The following FRMD4A variants were observed in gnomAD, a reference collection of about 807,000 sequenced individuals.
FRMD4A encodes the protein FERM domain-containing protein 4A.
In FRMD4A, 29 loss-of-function variants were observed where a neutral mutation model predicts 129.1. The ratio of observed to expected loss-of-function variants is 0.22; its 90% CI spans 0.17 to 0.31. The LOEUF (loss-of-function observed/expected upper bound fraction) is 0.31. Ranked by LOEUF, FRMD4A falls within the 10% of genes least tolerant of loss-of-function variation. The pLI is 1.00. For missense variants in FRMD4A, 1,272 were observed against 1,375.8 expected, an observed-to-expected ratio of 0.92 and a Z score of 1.19; for synonymous variants, 634 against 571.6, an observed-to-expected ratio of 1.11 and a Z score of -1.56.
At chr10:13,813,978 A>G (rs1468199014) in intron 3 of FRMD4A, among the ~76,000 whole-genome samples, 1 of 152,160 alleles carries the variant, frequency 6.6e-6, no homozygotes, top group Non-Finnish European at 1.5e-5. Context: ...GATGCTTGCT[A>G]TTTCTTGAAA....
At chr10:13,964,674 G>GT (rs35812447) in intron 2 of FRMD4A, among the ~76,000 whole-genome samples, 7,377 of 128,216 alleles carry the variant, frequency 0.058, 417 homozygotes, top group Admixed American at 0.18. Flanking sequence ...CTCTTCTTTT[G>GT]TTTTTTTTTT....
intron 2 of FRMD4A, among the ~76,000 whole-genome samples, chr10:14,294,674 C>A (rs1252717559): frequency 6.6e-6 from 1 of 152,210 alleles, no homozygotes. Flanking sequence ...ATTGCGTTAA[C>A]CTGCTGACAC....
chr10:14,229,229 C>T (rs955890144), intron 2 of FRMD4A, among the ~76,000 whole-genome samples: 8 of 151,906 alleles, frequency 5.3e-5, no homozygotes, highest in African/African-American at 1.9e-4. Flanking sequence ...TAAAAACCTA[C>T]TTAAGAAAAT....
intron 12 of FRMD4A, among the ~76,000 whole-genome samples, chr10:13,723,264 AC>A (rs1417898035): frequency 2.6e-5 from 4 of 152,208 alleles, no homozygotes; most frequent in African/African-American, 9.7e-5. Flanking sequence ...TTTGCCAGTA[AC>A]CCTGGTTTGT....
intron 5 of FRMD4A, among the ~76,000 whole-genome samples, chr10:13,788,804 G>A (rs1481766424): frequency 1.4e-5 from 2 of 139,822 alleles, no homozygotes; most frequent in African/African-American, 5.5e-5. Context: ...ATATTAAACA[G>A]CCTCTAAAGC....
intron 2 of FRMD4A, among the ~76,000 whole-genome samples, chr10:14,045,715 CATATT>C (rs1255686463): frequency 2.1e-5 from 3 of 144,246 alleles, no homozygotes; most frequent in Non-Finnish European, 3.0e-5. Flanking sequence ...TAATATTTAT[CATATT>C]ATATTAGATA....
At chr10:13,880,775 C>T (rs761390378) in intron 2 of FRMD4A, among the ~76,000 whole-genome samples, 73 of 152,124 alleles carry the variant, frequency 4.8e-4, no homozygotes, top group Non-Finnish European at 8.1e-4. Flanking sequence ...CAATGATCAC[C>T]TTTCCCGAGG....
intron 10 of FRMD4A, 90 bp downstream of exon 10, chr10:13,740,422 G>T: frequency 1.1e-6 from 1 of 915,708 alleles, no homozygotes; most frequent in Non-Finnish European, 1.8e-6. Flanking sequence ...TCCCAGATAT[G>T]TCTTTGGAGA....
intron 2 of FRMD4A, among the ~76,000 whole-genome samples, chr10:13,884,103 A>AACAC (rs57338480): frequency 2.6e-3 from 275 of 105,698 alleles, no homozygotes; most frequent in African/African-American, 5.7e-3. Context: ...ATGGAAAAGA[A>AACAC]ACACACACAC....
intron 2 of FRMD4A, among the ~76,000 whole-genome samples, chr10:14,100,105 C>A (rs1365347081): frequency 6.6e-6 from 1 of 152,198 alleles, no homozygotes; most frequent in African/African-American, 2.4e-5. Flanking sequence ...CTCAGCAAAC[C>A]CAGTTGTGGT....
intron 2 of FRMD4A, among the ~76,000 whole-genome samples, chr10:14,320,389 C>T (rs987771066): frequency 6.6e-6 from 1 of 152,168 alleles, no homozygotes; most frequent in Non-Finnish European, 1.5e-5. Flanking sequence ...CCCTCCCCAA[C>T]CCCACCCTTG....
intron 9 of FRMD4A, 38 bp from the exon 10 acceptor site, chr10:13,740,615 C>T (rs752459027): frequency 1.9e-6 from 2 of 1,078,910 alleles, no homozygotes; most frequent in Non-Finnish European, 2.8e-6. Flanking sequence ...GTTGGAGTCT[C>T]TAGGTCAACA....
chr10:14,311,950 T>C (rs10906649), intron 2 of FRMD4A, among the ~76,000 whole-genome samples: 70,882 of 151,996 alleles, frequency 0.47, 17,359 homozygotes, highest in Non-Finnish European at 0.55. Flanking sequence ...TTTTCTTATA[T>C]GGAACTCCCT....
chr10:13,654,294 G>GACA (rs2081946416), intron 23 of FRMD4A, 122 bp downstream of exon 23: 1 of 744,004 alleles, frequency 1.3e-6, no homozygotes, highest in Non-Finnish European at 2.4e-6. Context: ...TTGAAAGGAA[G>GACA]ACACCTCCCA....
chr10:13,816,202 G>C (rs1432269567), intron 3 of FRMD4A, among the ~76,000 whole-genome samples: 1 of 152,210 alleles, frequency 6.6e-6, no homozygotes, highest in Non-Finnish European at 1.5e-5. Context: ...TTTATTACTT[G>C]CAATTTACAA....
At chr10:14,093,185 G>A (rs1178336151) in intron 2 of FRMD4A, among the ~76,000 whole-genome samples, 1 of 152,182 alleles carries the variant, frequency 6.6e-6, no homozygotes, top group Non-Finnish European at 1.5e-5. Flanking sequence ...CGGCTCAGCA[G>A]TTTCTGGAAA....
At position 14,330,039 on chromosome 10, in the gene FRMD4A, C is replaced by T. The variant is rs954370507; in HGVS notation, c.45+19G>A. The T allele has an allele frequency of 6.4e-7, 1 of 1,551,904 alleles. No individual in the cohort carries two copies. ...GGAGTGGACGCTGCCCGGGCCCCAC[C>T]TCCTGTCTGAACACTCACCATCAGC... On this transcript the variant is annotated intron_variant, in intron 2 of 24. Transcript: ENST00000357447.
intron 13 of FRMD4A, among the ~76,000 whole-genome samples, chr10:13,705,350 G>A (rs910496761): frequency 3.3e-5 from 5 of 152,256 alleles, no homozygotes; most frequent in Admixed American, 6.5e-5. Context: ...CAGAGAACAC[G>A]AACACACATG....
chr10:14,008,845 A>G (rs1472945039), intron 2 of FRMD4A, among the ~76,000 whole-genome samples: 1 of 152,216 alleles, frequency 6.6e-6, no homozygotes, highest in Non-Finnish European at 1.5e-5. Context: ...TCTAACGCAT[A>G]AAAATAAACG....
Sources: gnomAD v4.1 joint callset for allele counts (sites outside exome capture counted in the v4.1 genomes callset) on GRCh38, gnomAD v4.1.1 for gene constraint, MANE v1.5 for transcripts, NCBI Gene and HGNC (gene_info 2026-07-23, HGNC 2026-07-21) for gene names.